Variants in HDDC2 observed in about 807,000 individuals in gnomAD.
HDDC2 encodes the protein HD domain containing 2, also known as 5'-deoxynucleotidase HDDC2.
A neutral mutation model predicts 25.5 loss-of-function variants in HDDC2; 25 were observed. The observed-to-expected ratio is 0.98, with a 90% CI of 0.72 to 1.37. HDDC2 has a LOEUF of 1.37. Ranked by LOEUF, HDDC2 falls within the 40% of genes most tolerant of loss-of-function variation. The pLI is 0.00. For missense variants in HDDC2, 264 were observed against 253.1 expected (o/e 1.04, Z -0.29); for synonymous variants, 106 against 89.7 (o/e 1.18, Z -1.03).
At chr6:125,286,519 G>A (rs1257438295) in intron 4 of HDDC2, among the ~76,000 whole-genome samples, 1 of 152,176 alleles carries the variant, frequency 6.6e-6, no homozygotes, top group African/African-American at 2.4e-5. Flanking sequence ...ACGTAGCCAG[G>A]ATTCCTGTTG....
chr6:125,282,435 A>C (rs890263602), intron 4 of HDDC2, among the ~76,000 whole-genome samples: 1 of 152,218 alleles, frequency 6.6e-6, no homozygotes, highest in African/African-American at 2.4e-5. Context: ...AGTGAAGGAG[A>C]AATAAAATCT....
intron 4 of HDDC2, among the ~76,000 whole-genome samples, chr6:125,284,262 T>G (rs1020054747): frequency 3.3e-5 from 5 of 152,114 alleles, no homozygotes; most frequent in African/African-American, 1.2e-4. Context: ...GGCAAAGACT[T>G]CATGACTAAA....
chr6:125,293,248 C>T, intron 3 of HDDC2: 1 of 374,674 alleles, frequency 2.7e-6, no homozygotes, highest in Non-Finnish European at 5.1e-6. Flanking sequence ...TCACAACATA[C>T]CCACATACAT....
chr6:125,298,618 T>C, intron 3 of HDDC2, 96 bp downstream of exon 3: 2 of 843,766 alleles, frequency 2.4e-6, no homozygotes, highest in Non-Finnish European at 2.0e-6. Flanking sequence ...ATCAAGGCGG[T>C]ATTCTCCCTA....
intron 2 of HDDC2, 94 bp from the exon 3 acceptor site, chr6:125,298,910 T>C: frequency 1.3e-6 from 1 of 751,432 alleles, no homozygotes. Context: ...ATATATATAT[T>C]TTTTCTCCAC....
In HDDC2 at chr6:125,301,849, C is replaced by G. The variant is rs1798815389; in HGVS notation, c.84G>C (p.Lys28Asn). The G allele has an allele frequency of 6.5e-7, 1 of 1,542,968 alleles. No individual in the cohort carries two copies. The change falls in exon 1 of 6, where the codon AAG becomes AAC. Residue 28 changes from lysine (K) to asparagine (N), a missense_variant and splice_region_variant. By Grantham distance (94) the Lys-to-Asn change is moderately conservative. Transcript: ENST00000398153. ...GCCTCCCGGCCTGGTGCCCGCTCAC[C>G]TTGAGCTGCCCTACCAGCCGCAGGA... ...LQFLRLVGQL[K>N]RVPRTGWVYR...
intron 1 of HDDC2, among the ~76,000 whole-genome samples, 180 bp downstream of exon 1, chr6:125,301,669 C>T (rs943522061): frequency 6.6e-6 from 1 of 152,206 alleles, no homozygotes; most frequent in Non-Finnish European, 1.5e-5. Context: ...CGGCTGCTTC[C>T]TCCGTCCACC....
At chr6:125,294,919 G>A (rs1798685971) in intron 3 of HDDC2, among the ~76,000 whole-genome samples, 1 of 152,158 alleles carries the variant, frequency 6.6e-6, no homozygotes, top group Non-Finnish European at 1.5e-5. Context: ...AAACAAAACA[G>A]CAAATACGTT....
At chr6:125,292,951 T>C (rs766453623) in intron 3 of HDDC2, 42 bp from the exon 4 acceptor site, 2 of 1,479,412 alleles carry the variant, frequency 1.4e-6, no homozygotes, top group South Asian at 1.1e-5. Flanking sequence ...TTGACATTTA[T>C]CACAGTTAAC....
At chr6:125,301,737 G>T (rs940452904) in intron 1 of HDDC2, 112 bp downstream of exon 1, 1 of 724,020 alleles carries the variant, frequency 1.4e-6, no homozygotes, top group Non-Finnish European at 2.1e-6. Context: ...TCGGCGTGGC[G>T]GACGCGGCGC....
chr6:125,294,956 T>C (rs948808393), intron 3 of HDDC2, among the ~76,000 whole-genome samples: 5 of 152,254 alleles, frequency 3.3e-5, no homozygotes, highest in African/African-American at 1.2e-4. Context: ...AACTGAACTA[T>C]GATTTTCTGA....
chr6:125,293,368 T>C, intron 3 of HDDC2: 1 of 206,072 alleles, frequency 4.9e-6, no homozygotes, highest in South Asian at 8.5e-5. Flanking sequence ...TTTTCTATTG[T>C]TAACATGTTT....
In HDDC2 at chr6:125,300,471, T is replaced by C; in HGVS notation, c.206+67A>G. ...TACAAGGATTTGACATGGGTCTCAG[T>C]AGTAAAAACGGGTGCACACCCATAG... On this transcript the variant is annotated intron_variant, in intron 2 of 5. Coordinates refer to ENST00000398153, the MANE Select transcript of HDDC2 (RefSeq NM_016063.3). The C allele has an allele frequency of 5.2e-6, 8 of 1,546,450 alleles. No homozygotes were observed. The South Asian group carries it at 6.2e-5, about 12-fold the overall frequency.
chr6:125,284,356 TATC>T (rs1374498092), intron 4 of HDDC2, among the ~76,000 whole-genome samples: 2 of 152,072 alleles, frequency 1.3e-5, no homozygotes, highest in Non-Finnish European at 2.9e-5. Flanking sequence ...CAAAAGAAAC[TATC>T]ATCAGAGTGA....
At chr6:125,288,094 C>A (rs895993759) in intron 4 of HDDC2, among the ~76,000 whole-genome samples, 1 of 152,222 alleles carries the variant, frequency 6.6e-6, no homozygotes, top group African/African-American at 2.4e-5. Flanking sequence ...GAAAATTATT[C>A]TGAAATAGGG....
chr6:125,291,987 C>T (rs983826635), intron 4 of HDDC2, among the ~76,000 whole-genome samples: 5 of 151,908 alleles, frequency 3.3e-5, no homozygotes, highest in African/African-American at 4.8e-5. Context: ...ACATGAAACT[C>T]TGCCAGCTTT....
At chr6:125,279,675 A>G (rs1198655734) in intron 4 of HDDC2, among the ~76,000 whole-genome samples, 1 of 152,232 alleles carries the variant, frequency 6.6e-6, no homozygotes, top group Non-Finnish European at 1.5e-5. Flanking sequence ...ATTAAAAATA[A>G]CAAAGAAAAA....
chr6:125,300,522 G>C lies in HDDC2; in HGVS notation c.206+16C>G. 6.2e-7 allele frequency: 1 copy of C among 1,612,022 alleles called. No homozygotes were observed. The highest frequency in any genetic ancestry group is 8.5e-7 in the Non-Finnish European group (1 of 1,179,262). Reference sequence around the variant, plus strand: ...ACCAGAATCTCTCACGAGCATCAAAGTCCAGCTCAGCTTACCGGTCTTTGT... The same window carrying C: ...ACCAGAATCTCTCACGAGCATCAAACTCCAGCTCAGCTTACCGGTCTTTGT... On this transcript the variant is annotated intron_variant, in intron 2 of 5. Transcript: ENST00000398153.
At position 125,276,901 on chromosome 6, in the gene HDDC2, T is replaced by A. The variant is rs182595237; in HGVS notation, c.517+201A>T. The A allele has an allele frequency of 1.2e-4, 71 of 580,438 alleles. No homozygotes were observed. The East Asian group carries it at 1.7e-3, about 14-fold the overall frequency. The allele number at this position is 580,438 out of a possible 1,614,324, so 36.0% of individuals were successfully genotyped here. A position where few individuals can be genotyped will look rare whatever the true frequency, so the allele number is the denominator to read the frequency against. ...TGCCTGTGTCTGTTGTTGCTTACTGTTCATTCCACATTAAACTCTATTCCA... is the reference window on the plus strand; with the variant it reads ...TGCCTGTGTCTGTTGTTGCTTACTGATCATTCCACATTAAACTCTATTCCA... On this transcript the variant is annotated intron_variant, in intron 5 of 5. Transcript: ENST00000398153.
Sources: gnomAD v4.1 joint callset for allele counts (sites outside exome capture counted in the v4.1 genomes callset) on GRCh38, gnomAD v4.1.1 for gene constraint, MANE v1.5 for transcripts, NCBI Gene and HGNC (gene_info 2026-07-23, HGNC 2026-07-21) for gene names.